LHFPL3: variants seen among roughly 807,000 people sequenced by gnomAD.
LHFPL3 encodes LHFPL tetraspan subfamily member 3 protein.
Under a neutral mutation model 19.3 loss-of-function variants are expected in LHFPL3, and 5 were observed. That is an observed-to-expected ratio of 0.26 (90% confidence interval 0.14 to 0.54). The LOEUF is 0.54. Ranked by LOEUF, LHFPL3 falls within the 20% of genes least tolerant of loss-of-function variation. The pLI, the probability that LHFPL3 is intolerant of heterozygous loss-of-function variation, is 0.94. For missense variants in LHFPL3, 249 were observed against 307.4 expected (o/e 0.81, Z 1.42); for synonymous variants, 133 against 126.2 (o/e 1.05, Z -0.36).
intron 2 of LHFPL3, among the ~76,000 whole-genome samples, chr7:104,871,312 G>A (rs571365579): frequency 1.3e-5 from 2 of 152,222 alleles, no homozygotes; most frequent in South Asian, 4.2e-4. Context: ...CATAGAAAAG[G>A]TACAGTAAAA....
chr7:104,896,568 A>C (rs1224179965), intron 2 of LHFPL3, among the ~76,000 whole-genome samples: 2 of 152,230 alleles, frequency 1.3e-5, no homozygotes, highest in African/African-American at 4.8e-5. Context: ...AAACATGAAC[A>C]GGTGTTCACC....
At chr7:104,422,714 A>G (rs1221250916) in intron 1 of LHFPL3, among the ~76,000 whole-genome samples, 6 of 152,220 alleles carry the variant, frequency 3.9e-5, no homozygotes, top group Non-Finnish European at 8.8e-5. Flanking sequence ...ATCCTACTTT[A>G]TAAATGGTTA....
chr7:104,474,500 TA>T, intron 1 of LHFPL3, among the ~76,000 whole-genome samples: 1 of 151,816 alleles, frequency 6.6e-6, no homozygotes, highest in Non-Finnish European at 1.5e-5. Flanking sequence ...CTGTCTCTAC[TA>T]AAAATACAAA....
chr7:104,679,997 C>T (rs1170793754), intron 1 of LHFPL3, among the ~76,000 whole-genome samples: 1 of 152,194 alleles, frequency 6.6e-6, no homozygotes, highest in Non-Finnish European at 1.5e-5. Context: ...TTATCTCTCA[C>T]TGAGGCCTCT....
At chr7:104,822,310 T>A (rs1211338831) in intron 2 of LHFPL3, among the ~76,000 whole-genome samples, 1 of 152,220 alleles carries the variant, frequency 6.6e-6, no homozygotes, top group Non-Finnish European at 1.5e-5. Context: ...TCCAAGTAGA[T>A]ATTTAATGAG....
At chr7:104,329,248 G>A (rs1359467749) in intron 1 of LHFPL3, 24 bp downstream of exon 1, 2 of 1,572,994 alleles carry the variant, frequency 1.3e-6, no homozygotes, top group South Asian at 2.3e-5. Flanking sequence ...CACCTCCGCG[G>A]AGGCGGAGGA....
intron 1 of LHFPL3, among the ~76,000 whole-genome samples, chr7:104,543,529 G>C (rs1241456439): frequency 1.3e-5 from 2 of 151,746 alleles, no homozygotes; most frequent in South Asian, 2.1e-4. Flanking sequence ...GTCCAACAAT[G>C]ATAGACTGGA....
intron 1 of LHFPL3, among the ~76,000 whole-genome samples, chr7:104,398,461 A>G (rs1227187583): frequency 9.2e-5 from 14 of 152,164 alleles, no homozygotes; most frequent in Admixed American, 7.9e-4. Context: ...CCTTTTAGTC[A>G]CTTTGTAATG....
At chr7:104,636,398 T>A (rs1257579574) in intron 1 of LHFPL3, among the ~76,000 whole-genome samples, 2 of 152,152 alleles carry the variant, frequency 1.3e-5, no homozygotes, top group East Asian at 3.9e-4. Flanking sequence ...TTATTTTAGG[T>A]TAAGGGGTAC....
chr7:104,358,239 T>C (rs1331476107), intron 1 of LHFPL3, among the ~76,000 whole-genome samples: 2 of 152,210 alleles, frequency 1.3e-5, no homozygotes, highest in African/African-American at 4.8e-5. Context: ...AGTATGGCCG[T>C]ACAATATTGT....
chr7:104,533,546 C>T (rs922452588), intron 1 of LHFPL3, among the ~76,000 whole-genome samples: 9 of 152,232 alleles, frequency 5.9e-5, no homozygotes, highest in African/African-American at 1.9e-4. Context: ...GCTTCAACTT[C>T]TCTTCCACTA....
chr7:104,569,589 C>T (rs1790188566), intron 1 of LHFPL3, among the ~76,000 whole-genome samples: 1 of 152,066 alleles, frequency 6.6e-6, no homozygotes, highest in Admixed American at 6.6e-5. Flanking sequence ...TTAGCATAGC[C>T]ATCATTTCAC....
chr7:104,532,131 A>G (rs935851565), intron 1 of LHFPL3, among the ~76,000 whole-genome samples: 15 of 151,572 alleles, frequency 9.9e-5, no homozygotes, highest in Non-Finnish European at 1.6e-4. Flanking sequence ...TTTTATTTTT[A>G]TTTTGAAACT....
chr7:104,547,960 T>A (rs1423545228), intron 1 of LHFPL3, among the ~76,000 whole-genome samples: 2 of 152,156 alleles, frequency 1.3e-5, no homozygotes, highest in East Asian at 3.8e-4. Context: ...ACAAGTTAGA[T>A]CTCACCTATT....
At chr7:104,889,502 T>C (rs1261047183) in intron 2 of LHFPL3, among the ~76,000 whole-genome samples, 1 of 152,048 alleles carries the variant, frequency 6.6e-6, no homozygotes, top group Non-Finnish European at 1.5e-5. Context: ...TAGCCAGGTG[T>C]GGTGTCACAA....
chr7:104,427,200 C>G (rs1791864659), intron 1 of LHFPL3, among the ~76,000 whole-genome samples: 1 of 152,172 alleles, frequency 6.6e-6, no homozygotes, highest in Non-Finnish European at 1.5e-5. Context: ...GGAGGAAAAA[C>G]ACATGTGATG....
At chr7:104,707,936 C>T (rs1318819991) in intron 1 of LHFPL3, among the ~76,000 whole-genome samples, 1 of 152,126 alleles carries the variant, frequency 6.6e-6, no homozygotes. Flanking sequence ...AAATGATGCT[C>T]AACTACATAA....
intron 1 of LHFPL3, among the ~76,000 whole-genome samples, chr7:104,465,780 T>TG: frequency 6.6e-6 from 1 of 152,318 alleles, no homozygotes; most frequent in African/African-American, 2.4e-5. Flanking sequence ...AGATGAGATT[T>TG]GGGTGGGGAC....
chr7:104,560,718 T>G (rs1303549955), intron 1 of LHFPL3, among the ~76,000 whole-genome samples: 1 of 148,030 alleles, frequency 6.8e-6, no homozygotes, highest in Non-Finnish European at 1.5e-5. Flanking sequence ...TCTTGCCTTC[T>G]GCTAGCTTTT....
Sources: allele counts gnomAD v4.1 joint callset (sites outside exome capture counted in the v4.1 genomes callset), GRCh38; gene constraint gnomAD v4.1.1; transcripts MANE v1.5; gene names NCBI Gene and HGNC (gene_info 2026-07-23, HGNC 2026-07-21).